The following CACHD1 variants were observed in gnomAD, a reference collection of about 807,000 sequenced individuals.
CACHD1 encodes the protein VWFA and cache domain-containing protein 1.
In CACHD1, 71 loss-of-function variants were observed where a neutral mutation model predicts 138.7. The observed-to-expected ratio is 0.51, with a 90% CI of 0.42 to 0.62. The LOEUF (loss-of-function observed/expected upper bound fraction) is 0.62. CACHD1 is among the 20% of genes least tolerant of loss of function. CACHD1 has a pLI of 0.00. For synonymous variants in CACHD1, 578 were observed against 591.5 expected (o/e 0.98, Z 0.33); for missense variants, 1,389 against 1,625.3 (o/e 0.85, Z 2.50).
chr1:64,603,166 G>A (rs1387368905), intron 4 of CACHD1, among the ~76,000 whole-genome samples: 9 of 128,846 alleles, frequency 7.0e-5, no homozygotes, highest in Non-Finnish European at 1.2e-4. Flanking sequence ...GTGCAGTGCC[G>A]CGATCTCGGC....
chr1:64,628,286 C>T (rs1648182816), intron 4 of CACHD1, among the ~76,000 whole-genome samples: 1 of 152,190 alleles, frequency 6.6e-6, no homozygotes, highest in South Asian at 2.1e-4. Context: ...ATCTTCCCCC[C>T]ACTGAATTTC....
At chr1:64,609,939 T>A (rs1647470231) in intron 4 of CACHD1, among the ~76,000 whole-genome samples, 1 of 152,178 alleles carries the variant, frequency 6.6e-6, no homozygotes, top group African/African-American at 2.4e-5. Flanking sequence ...TTTAATTGAC[T>A]CACAGTTCAG....
In CACHD1 at chr1:64,530,589, C is replaced by T. The variant is rs144391432; in HGVS notation, c.199-20005C>T. 2.0e-4 allele frequency among the ~76,000 whole-genome samples: 31 copies of T among 151,762 alleles called. No individual in the cohort carries two copies. In the East Asian group the frequency reaches 2.1e-3, roughly 10 times the overall value. On this transcript the variant is annotated intron_variant, in intron 1 of 26. Coordinates refer to ENST00000651257, the MANE Select transcript of CACHD1 (RefSeq NM_020925.4). Reference sequence around the variant, plus strand: ...GGAATGGTTACTTAAAAGGAATGAGCGCCAGGTGCGGTGGCTCACGCCTGT... The same window carrying T: ...GGAATGGTTACTTAAAAGGAATGAGTGCCAGGTGCGGTGGCTCACGCCTGT...
chr1:64,664,076 GTGA>G, intron 14 of CACHD1: 1 of 537,882 alleles, frequency 1.9e-6, no homozygotes, highest in Non-Finnish European at 3.3e-6. Flanking sequence ...GGGGTTTCCA[GTGA>G]TGTTAGAGGG....
intron 5 of CACHD1, among the ~76,000 whole-genome samples, chr1:64,630,103 C>T (rs951484804): frequency 6.6e-6 from 1 of 152,144 alleles, no homozygotes; most frequent in Non-Finnish European, 1.5e-5. Context: ...ATATACTTTC[C>T]TATTTAATCC....
At chr1:64,658,306 A>T (rs1307340358) in intron 12 of CACHD1, among the ~76,000 whole-genome samples, 1 of 152,232 alleles carries the variant, frequency 6.6e-6, no homozygotes, top group East Asian at 1.9e-4. Context: ...CAGAACACTT[A>T]TTGCAAAACC....
In CACHD1 at chr1:64,549,800, T is replaced by A. The variant is rs565217944; in HGVS notation, c.199-794T>A. ...ATAAGGCTGCTGCTCTTTTTATTTT[T>A]TTTATTTTTTTGCTCCTCTAGCAGA... On this transcript the variant is annotated intron_variant, in intron 1 of 26. Transcript: ENST00000651257. Among the ~76,000 whole-genome samples, 54 of 151,312 alleles carry A rather than the reference T, an allele frequency of 3.6e-4. 2 individuals carry two copies. Among genetic ancestry groups the A allele is most frequent in the African/African-American group, 9.5e-4 (39 of 41,112 alleles).
intron 26 of CACHD1, among the ~76,000 whole-genome samples, chr1:64,684,141 G>T (rs1225686468): frequency 6.6e-6 from 1 of 152,104 alleles, no homozygotes; most frequent in African/African-American, 2.4e-5. Context: ...GTGTGTGTTT[G>T]TGTCTTAGTT....
intron 8 of CACHD1, among the ~76,000 whole-genome samples, chr1:64,642,911 C>T (rs1282541465): frequency 2.0e-5 from 3 of 150,936 alleles, no homozygotes; most frequent in South Asian, 2.1e-4. Flanking sequence ...TGGTGGTGTG[C>T]GCCTGTAGTC....
In CACHD1 at chr1:64,642,016, A is replaced by C. The variant is rs775377697; in HGVS notation, c.1156+47A>C. On this transcript the variant is annotated intron_variant, in intron 8 of 26. Coordinates refer to ENST00000651257, the MANE Select transcript of CACHD1 (RefSeq NM_020925.4). ...TCCTTTCAGATCAAAGATCCCTCTA[A>C]GTGTATGCTGCTTTAAAAAGAAGAA... 5 of 1,430,470 alleles carry C rather than the reference A, an allele frequency of 3.5e-6. No homozygotes were observed. In the Admixed American group the frequency reaches 8.1e-5, roughly 23 times the overall value. 88.6% of individuals were successfully genotyped at this position (1,430,470 alleles called of 1,614,324 possible).
At chr1:64,529,459 C>T (rs900951074) in intron 1 of CACHD1, among the ~76,000 whole-genome samples, 2 of 152,168 alleles carry the variant, frequency 1.3e-5, no homozygotes, top group East Asian at 1.9e-4. Context: ...CTCAAAAATG[C>T]CCCTTGTATC....
chr1:64,571,203 T>A (rs190422951), intron 2 of CACHD1, among the ~76,000 whole-genome samples: 1 of 152,288 alleles, frequency 6.6e-6, no homozygotes, highest in Admixed American at 6.5e-5. Flanking sequence ...ATTGAAGAAA[T>A]CAAACATTCA....
chr1:64,669,234 G>A (rs186934875), intron 16 of CACHD1, among the ~76,000 whole-genome samples: 67 of 152,290 alleles, frequency 4.4e-4, no homozygotes, highest in African/African-American at 1.6e-3. Flanking sequence ...GAACTGATAG[G>A]ATGAGAATTA....
intron 4 of CACHD1, chr1:64,613,453 T>G (rs1647600416): frequency 6.6e-6 from 1 of 152,186 alleles, no homozygotes; most frequent in Non-Finnish European, 1.5e-5. Flanking sequence ...AAACTTCGTG[T>G]GACTCACTTT....
intron 9 of CACHD1, among the ~76,000 whole-genome samples, chr1:64,649,793 C>A (rs1458883382): frequency 6.6e-6 from 1 of 152,184 alleles, no homozygotes; most frequent in African/African-American, 2.4e-5. Context: ...TTGCCTGATA[C>A]CATCCAAATT....
At chr1:64,647,681 CAAAA>C (rs1648953837) in intron 8 of CACHD1, 116 bp from the exon 9 acceptor site, 3 of 768,546 alleles carry the variant, frequency 3.9e-6, no homozygotes, top group African/African-American at 1.7e-5. Context: ...GTGGTCTCTG[CAAAA>C]ACCCCTTTGG....
chr1:64,529,664 G>A (rs960149358), intron 1 of CACHD1, among the ~76,000 whole-genome samples: 1 of 152,184 alleles, frequency 6.6e-6, no homozygotes, highest in Non-Finnish European at 1.5e-5. Context: ...AGGAACTTAG[G>A]GCTTAGGTAA....
intron 1 of CACHD1, among the ~76,000 whole-genome samples, chr1:64,521,579 T>A (rs530535215): frequency 2.5e-3 from 379 of 152,360 alleles, no homozygotes; most frequent in Non-Finnish European, 3.9e-3. Context: ...TATTCTATTG[T>A]ATAGATATAC....
chr1:64,632,498 A>C, intron 5 of CACHD1, 101 bp from the exon 6 acceptor site: 18 of 1,235,054 alleles, frequency 1.5e-5, no homozygotes, highest in Non-Finnish European at 2.0e-5. Flanking sequence ...GGGAGAACAC[A>C]GAGACCAACA....
Sources: gnomAD v4.1 joint callset for allele counts (sites outside exome capture counted in the v4.1 genomes callset) on GRCh38, gnomAD v4.1.1 for gene constraint, MANE v1.5 for transcripts, NCBI Gene and HGNC (gene_info 2026-07-23, HGNC 2026-07-21) for gene names.